The following IGFL2 variants were observed in gnomAD, a reference collection of about 807,000 sequenced individuals.
IGFL2 encodes the protein insulin growth factor-like family member 2.
In IGFL2, 7 loss-of-function variants were observed where a neutral mutation model predicts 13.9. The ratio of observed to expected loss-of-function variants is 0.51; its 90% CI spans 0.29 to 0.95. IGFL2 has a LOEUF of 0.95. IGFL2 is among the 40% of genes least tolerant of loss of function. The pLI, the probability that IGFL2 is intolerant of heterozygous loss-of-function variation, is 0.08. For synonymous variants in IGFL2, 55 were observed against 55.8 expected, an observed-to-expected ratio of 0.99 and a Z score of 0.07; for missense variants, 138 against 147.8, an observed-to-expected ratio of 0.93 and a Z score of 0.34.
chr19:46,183,967 C>T, the IGFL2 span, among the ~76,000 whole-genome samples: 312 of 152,254 alleles, frequency 2.0e-3, 1 homozygote, highest in African/African-American at 7.2e-3. Flanking sequence ...CTAGTTGCAT[C>T]GGTTTTTGCC....
At chr19:46,147,026 G>A (rs1973172350), upstream of IGFL2, among the ~76,000 whole-genome samples, 1 of 152,194 alleles carries the variant, frequency 6.6e-6, no homozygotes, top group Non-Finnish European at 1.5e-5. Context: ...CACAGAAGGA[G>A]CGTTTCCTTG....
chr19:46,145,630 GTGTGTATT>G (rs1289428746), upstream of IGFL2, among the ~76,000 whole-genome samples: 14 of 143,458 alleles, frequency 9.8e-5, no homozygotes, highest in Middle Eastern at 3.7e-3. Flanking sequence ...GTGTGTGTGT[GTGTGTATT>G]TATTTATTTA....
chr19:46,168,644 T>A, the IGFL2 span, among the ~76,000 whole-genome samples: 1 of 152,186 alleles, frequency 6.6e-6, no homozygotes, highest in Non-Finnish European at 1.5e-5. Flanking sequence ...CAAACAACTT[T>A]GTATCAACCC....
chr19:46,212,565 C>T, the IGFL2 span: 2 of 152,266 alleles, frequency 1.3e-5, no homozygotes, highest in East Asian at 1.9e-4. Context: ...ATCACACACC[C>T]GACCCTCTGA....
downstream of IGFL2, among the ~76,000 whole-genome samples, chr19:46,164,842 C>T (rs776002750): frequency 2.0e-5 from 3 of 152,180 alleles, no homozygotes; most frequent in Admixed American, 6.5e-5. Context: ...TGTCTCACTT[C>T]GTGAACAGAG....
At chr19:46,176,441 CAGTG>C in the IGFL2 span, among the ~76,000 whole-genome samples, 285 of 152,260 alleles carry the variant, frequency 1.9e-3, 5 homozygotes, top group East Asian at 0.016. Context: ...TGCAGGAAAA[CAGTG>C]AGAGAGAAAC....
chr19:46,190,013 T>C, the IGFL2 span: 1 of 152,146 alleles, frequency 6.6e-6, no homozygotes, highest in Non-Finnish European at 1.5e-5. Flanking sequence ...CCCTTGGGGC[T>C]GAAATCAGGA....
upstream of IGFL2, among the ~76,000 whole-genome samples, chr19:46,145,598 A>ATGTGTGTGTGTGTGTGTGTG (rs765380139): frequency 3.6e-5 from 5 of 138,382 alleles, no homozygotes; most frequent in African/African-American, 1.5e-4. Context: ...ACACTCATAT[A>ATGTGTGTGTGTGTGTGTGTG]TATGTGTGTG....
chr19:46,081,777 A>G, the IGFL2 span, among the ~76,000 whole-genome samples: 1 of 152,342 alleles, frequency 6.6e-6, no homozygotes, highest in East Asian at 1.9e-4. Flanking sequence ...TCCTGTGCTC[A>G]GATCCCAGCT....
the IGFL2 span, among the ~76,000 whole-genome samples, chr19:46,121,370 G>C: frequency 6.8e-6 from 1 of 146,514 alleles, no homozygotes; most frequent in South Asian, 2.2e-4. Flanking sequence ...CTCCAGCCTG[G>C]GTGACAAAGT....
At chr19:46,152,502 T>G (rs1411732174) in intron 1 of IGFL2, among the ~76,000 whole-genome samples, 1 of 152,206 alleles carries the variant, frequency 6.6e-6, no homozygotes, top group Admixed American at 6.5e-5. Context: ...CAAGCTGGTT[T>G]CAAACTTCTG....
chr19:46,193,990 C>T, the IGFL2 span, among the ~76,000 whole-genome samples: 1 of 152,164 alleles, frequency 6.6e-6, no homozygotes, highest in Non-Finnish European at 1.5e-5. Flanking sequence ...AGTCCAGAAA[C>T]TTTGCGGTCA....
the IGFL2 span, among the ~76,000 whole-genome samples, chr19:46,129,543 G>T: frequency 3.3e-5 from 5 of 152,100 alleles, no homozygotes; most frequent in African/African-American, 4.8e-5. Flanking sequence ...GTGTTCCAGA[G>T]ATTCTGGTAT....
At chr19:46,164,980 A>C (rs1974330825), downstream of IGFL2, among the ~76,000 whole-genome samples, 1 of 152,158 alleles carries the variant, frequency 6.6e-6, no homozygotes, top group East Asian at 1.9e-4. Flanking sequence ...ACTGTGTCCT[A>C]CCACACCAAA....
the IGFL2 span, among the ~76,000 whole-genome samples, chr19:46,110,655 G>A: frequency 6.6e-6 from 1 of 152,112 alleles, no homozygotes; most frequent in African/African-American, 2.4e-5. Context: ...CTTTGGCTAT[G>A]CAAAAAGTTG....
At chr19:46,137,283 T>C in the IGFL2 span, 37 of 1,158,320 alleles carry the variant, frequency 3.2e-5, no homozygotes, top group Non-Finnish European at 4.4e-5. Flanking sequence ...TCAGGATGCG[T>C]ACACCACATG....
At chr19:46,102,889 G>A in the IGFL2 span, among the ~76,000 whole-genome samples, 2 of 152,148 alleles carry the variant, frequency 1.3e-5, no homozygotes, top group African/African-American at 2.4e-5. Context: ...AGGATTAGGG[G>A]CAGCATGGGA....
the IGFL2 span, among the ~76,000 whole-genome samples, chr19:46,101,613 T>C: frequency 6.6e-6 from 1 of 152,248 alleles, no homozygotes; most frequent in Admixed American, 6.5e-5. Flanking sequence ...TAGTGATGGC[T>C]GTTGCCCTTC....
At chr19:46,151,474 G>T (rs1052720868) in intron 1 of IGFL2, among the ~76,000 whole-genome samples, 1 of 152,144 alleles carries the variant, frequency 6.6e-6, no homozygotes, top group Non-Finnish European at 1.5e-5. Flanking sequence ...CTGTGTGTCA[G>T]CTCCTACACT....
Sources: gnomAD v4.1 joint callset for allele counts (sites outside exome capture counted in the v4.1 genomes callset) on GRCh38, gnomAD v4.1.1 for gene constraint, MANE v1.5 for transcripts, NCBI Gene and HGNC (gene_info 2026-07-23, HGNC 2026-07-21) for gene names.